Variants in FLII observed in about 807,000 individuals in gnomAD.
FLII encodes FLII actin remodeling protein, also known as protein flightless-1 homolog.
Under a neutral mutation model 156.2 loss-of-function variants are expected in FLII, and 101 were observed. That is an observed-to-expected ratio of 0.65 (90% CI 0.55 to 0.76). The LOEUF (loss-of-function observed/expected upper bound fraction) is 0.76. Ranked by LOEUF, FLII falls within the 30% of genes least tolerant of loss-of-function variation. FLII has a pLI of 0.00. For missense variants in FLII, 1,675 were observed against 1,682.8 expected (o/e 1.00, Z 0.08); for synonymous variants, 767 against 685.8 (o/e 1.12, Z -1.85).
intron 6 of FLII, 50 bp from the exon 7 acceptor site, chr17:18,254,232 TA>T: frequency 6.9e-7 from 1 of 1,444,342 alleles, no homozygotes. Flanking sequence ...TAGGGAGTGT[TA>T]AGGGTGGGGC....
chr17:18,254,865 G>A lies in FLII; in HGVS notation c.328-11C>T. On this transcript the variant is annotated splice_polypyrimidine_tract_variant and intron_variant, in intron 4 of 29. Transcript: ENST00000327031. The stretch of plus-strand genomic sequence containing the variant: ...GTTGTGGCTCAAGTCCTGGGTAGAA[G>A]GGGCAAGACCCAGGTCAGGGGAGTC... 2 of 1,613,850 alleles carry A rather than the reference G, an allele frequency of 1.2e-6. No homozygotes were observed. The highest frequency in any genetic ancestry group is 1.1e-5 in the South Asian group (1 of 91,080).
Position 18,256,477 on chromosome 17 carries a change from G to A in FLII, c.246+49C>T, listed in dbSNP as rs547793413. On this transcript the variant is annotated intron_variant, in intron 3 of 29. Transcript: ENST00000327031. The stretch of plus-strand genomic sequence containing the variant: ...TAGCCCAGGCTTCACGTCCCTGACC[G>A]GACCTTGGCCCCAACCCCAAGCTCG... 83 of 1,461,324 alleles carry A rather than the reference G, an allele frequency of 5.7e-5. No homozygotes were observed. In the Admixed American group the frequency reaches 8.5e-4, roughly 15 times the overall value. 90.5% of individuals were successfully genotyped at this position (1,461,324 alleles called of 1,614,324 possible).
intron 10 of FLII, 135 bp downstream of exon 10, chr17:18,252,337 G>A (rs2048297091): frequency 1.1e-6 from 1 of 927,928 alleles, no homozygotes. Flanking sequence ...ATGCAGGGAG[G>A]TGGGGCCCAC....
At chr17:18,254,383 T>G in intron 6 of FLII, 138 bp downstream of exon 6, 1 of 884,330 alleles carries the variant, frequency 1.1e-6, no homozygotes, top group Non-Finnish European at 1.7e-6. Flanking sequence ...ACTTAGGAGG[T>G]TGTACACTGA....
chr17:18,252,623 C>A (rs569060890), intron 9 of FLII, 67 bp from the exon 10 acceptor site: 2 of 1,333,684 alleles, frequency 1.5e-6, no homozygotes, highest in Non-Finnish European at 1.1e-6. Flanking sequence ...CAAGAAAACC[C>A]CTAGTCCTGG....
At chr17:18,249,807 CA>C (rs2048203547) in intron 14 of FLII, among the ~76,000 whole-genome samples, 2 of 150,638 alleles carry the variant, frequency 1.3e-5, no homozygotes, top group African/African-American at 4.9e-5. Context: ...AACAAACAAA[CA>C]AACAAACAAC....
chr17:18,252,715 T>C (rs551302567), intron 9 of FLII, among the ~76,000 whole-genome samples, 159 bp from the exon 10 acceptor site: 1 of 152,296 alleles, frequency 6.6e-6, no homozygotes, highest in East Asian at 1.9e-4. Context: ...CAAGAGACCA[T>C]GTTACGGGCA....
chr17:18,258,641 C>A lies in FLII; in HGVS notation c.50G>T (p.Gly17Val). The A allele has an allele frequency of 1.3e-6, 2 of 1,557,858 alleles. No individual in the cohort carries two copies. The highest frequency in any genetic ancestry group is 1.7e-6 in the Non-Finnish European group (2 of 1,161,898). The change falls in exon 1 of 30, where the codon GGC becomes GTC. Residue 17 changes from glycine to valine, a missense_variant. By Grantham distance (109) the Gly-to-Val change is moderately radical. Coordinates refer to ENST00000327031, the MANE Select transcript of FLII (RefSeq NM_002018.4). The surrounding 1 kb of genome is among the most constrained non-coding windows in gnomAD (Gnocchi z 4.2). The stretch of plus-strand genomic sequence containing the variant: ...GGCCCGGCTCACCTTGAAGTCGTTG[C>A]CGCTGAGGTCCACGCCACGCACGAA... ...LPFVRGVDLS[G>V]NDFKGGYFPE... is the part of the protein sequence containing the mutation.
rs1206525774 is a variant in FLII, at chr17:18,258,479, C to T, written c.63+149G>A. ...GGGCGGAGGCCTCGGAGGTCCATTC[C>T]TGGCCAGGGGAGAGCCCCACCCCGC... On this transcript the variant is annotated intron_variant, in intron 1 of 29. Coordinates refer to ENST00000327031, the MANE Select transcript of FLII (RefSeq NM_002018.4). The surrounding 1 kb of genome is among the most constrained non-coding windows in gnomAD (Gnocchi z 4.2). The T allele has an allele frequency of 2.7e-6, 4 of 1,509,084 alleles. No individual in the cohort carries two copies. In the African/African-American group the frequency reaches 5.7e-5, roughly 22 times the overall value. 93.5% of individuals were successfully genotyped at this position (1,509,084 alleles called of 1,614,324 possible). A position where few individuals can be genotyped will look rare whatever the true frequency, so the allele number is the denominator to read the frequency against.
chr17:18,247,572 G>C, intron 20 of FLII, 85 bp downstream of exon 20: 1 of 1,302,478 alleles, frequency 7.7e-7, no homozygotes, highest in Non-Finnish European at 1.0e-6. Flanking sequence ...GCCCAGCTCT[G>C]TAGGGAGGTA....
At chr17:18,253,167 G>T in intron 9 of FLII, 134 bp downstream of exon 9, 1 of 926,828 alleles carries the variant, frequency 1.1e-6, no homozygotes, top group East Asian at 2.7e-5. Flanking sequence ...AAAAAGAAAA[G>T]AAAAGAAAAG....
At chr17:18,247,140 C>A (rs1438932276) in intron 21 of FLII, 29 bp downstream of exon 21, 11 of 1,338,980 alleles carry the variant, frequency 8.2e-6, no homozygotes, top group African/African-American at 4.7e-5. Flanking sequence ...ACCCCCCCCC[C>A]CGCGCCCCGG....
chr17:18,252,051 G>A lies in FLII; in HGVS notation c.1194C>T (p.Asn398=). 2 of 1,613,320 alleles carry A rather than the reference G, an allele frequency of 1.2e-6. No individual in the cohort carries two copies. Among genetic ancestry groups the A allele is most frequent in the African/African-American group, 1.3e-5 (1 of 75,064 alleles). The change falls in exon 11 of 30, where the codon AAC becomes AAT. Residue 398 remains asparagine (N), a synonymous_variant. Coordinates refer to ENST00000327031, the MANE Select transcript of FLII (RefSeq NM_002018.4). ...EWYNIDFSLQ[N]QLRLAGASPA... ...GAGAGGCACCCGCTAGCCGCAGCTG[G>A]TTCTGCAGCGAGAAGTCGATGTTGT...
In FLII at chr17:18,251,993, A is replaced by G; in HGVS notation, c.1246+6T>C. 6.2e-7 allele frequency: 1 copy of G among 1,612,068 alleles called. No homozygotes were observed. The highest frequency in any genetic ancestry group is 8.5e-7 in the Non-Finnish European group (1 of 1,179,234). The stretch of plus-strand genomic sequence containing the variant: ...CCGTTCCCAGGCCAGACCTTTCCCC[A>G]CTCACCAGCTGCAGCTGCAGCCACG... On this transcript the variant is annotated splice_donor_region_variant and intron_variant, in intron 11 of 29. Transcript: ENST00000327031.
intron 3 of FLII, 79 bp downstream of exon 3, chr17:18,256,447 G>C: frequency 8.6e-7 from 1 of 1,162,044 alleles, no homozygotes. Flanking sequence ...GCCCAGCTTG[G>C]TGTCTAGCCC....
chr17:18,254,079 C>T lies in FLII; in HGVS notation c.679G>A (p.Asp227Asn), dbSNP rs942736205. Reference sequence around the variant, plus strand: ...AGAGGGGCTCCTGGGGCTGCCTGACCTGCGAGGTTGCTCAGACCCTCCAGG... The same window carrying T: ...AGAGGGGCTCCTGGGGCTGCCTGACTTGCGAGGTTGCTCAGACCCTCCAGG... ...TSLEGLSNLA[D>N]VDLSCNDLTR... The change falls in exon 7 of 30, where the codon GAC becomes AAC. Residue 227 changes from aspartate to asparagine, a missense_variant and splice_region_variant. Coordinates refer to ENST00000327031, the MANE Select transcript of FLII (RefSeq NM_002018.4). The T allele has an allele frequency of 1.9e-6, 3 of 1,606,172 alleles. No homozygotes were observed. Among genetic ancestry groups the T allele is most frequent in the Non-Finnish European group, 1.7e-6 (2 of 1,175,286 alleles).
Position 18,248,720 on chromosome 17 carries a change from G to C in FLII, c.2020C>G (p.Leu674Val), listed in dbSNP as rs1391455091. 6.2e-7 allele frequency: 1 copy of C among 1,613,762 alleles called. No individual in the cohort carries two copies. Among genetic ancestry groups the C allele is most frequent in the Middle Eastern group, 1.7e-4 (1 of 6,058 alleles). ...TTCTTGTTAATTTTCTCTGCAAAGA[G>C]CCTGAGAGCAGGATGCAAAGTCATC... ...ATLSSTTKAR[L>V]FAEKINKNER... is the part of the protein sequence containing the mutation. The change falls in exon 18 of 30, where the codon CTC becomes GTC. Residue 674 changes from leucine (L) to valine (V), a missense_variant and splice_region_variant. Around this residue, in one of 2 missense-constraint regions of FLII, gnomAD observed 1,332 missense variants for 1,269.3 expected, o/e 1.05. Coordinates refer to ENST00000327031, the MANE Select transcript of FLII (RefSeq NM_002018.4).
rs755588492 is a variant in FLII at position 18,248,895 on chromosome 17, G to A, written c.1935-12C>T. On this transcript the variant is annotated splice_polypyrimidine_tract_variant and intron_variant, in intron 16 of 29. Transcript: ENST00000327031. ...GCAGGAAAACAAACCTGGACAAGAA[G>A]GGGCAGGAAGGAGCTGTGATGGTGC... 1.6e-5 allele frequency: 25 copies of A among 1,609,976 alleles called. No individual in the cohort carries two copies. Among genetic ancestry groups the A allele is most frequent in the Non-Finnish European group, 2.0e-5 (23 of 1,176,506 alleles).
intron 9 of FLII, among the ~76,000 whole-genome samples, chr17:18,253,042 C>A (rs2048315865): frequency 6.6e-6 from 1 of 152,182 alleles, no homozygotes; most frequent in Admixed American, 6.5e-5. Flanking sequence ...CCCAGCTACT[C>A]AGGAGGCTGA....
Sources: gnomAD v4.1 joint callset for allele counts (sites outside exome capture counted in the v4.1 genomes callset) on GRCh38, gnomAD v4.1.1 for gene constraint, gnomAD v4.1.1 regional missense constraint, Gnocchi (gnomAD v3.1) non-coding constraint, MANE v1.5 for transcripts, NCBI Gene and HGNC (gene_info 2026-07-23, HGNC 2026-07-21) for gene names.